The following COL4A5 variants were observed in gnomAD, a reference collection of about 807,000 sequenced individuals.
COL4A5 encodes collagen type IV alpha 5 chain, also known as collagen alpha-5(IV) chain.
COL4A5 carries 26 observed loss-of-function variants against 130.2 expected under a neutral mutation model. That is an observed-to-expected ratio of 0.20 (90% CI 0.15 to 0.28). The LOEUF is 0.28. COL4A5 is among the 10% of genes least tolerant of loss of function. The probability of loss-of-function intolerance (pLI) is 1.00; values close to 1 mark genes in which losing one functional copy is unlikely to be tolerated. For missense variants in COL4A5, 1,131 were observed against 1,344.3 expected (o/e 0.84, Z 2.48); for synonymous variants, 496 against 439.6 (o/e 1.13, Z -1.60).
At chrX:108,440,881 TTTTG>T (rs1207173885) in intron 1 of COL4A5, among the ~76,000 whole-genome samples, 1 of 111,931 alleles carries the variant, frequency 8.9e-6, no homozygotes, top group Non-Finnish European at 1.9e-5. Context: ...TTATGGGTTT[TTTTG>T]TTTGTTTACT....
intron 9 of COL4A5, among the ~76,000 whole-genome samples, chrX:108,575,023 A>G (rs113140889): frequency 9.0e-6 from 1 of 111,256 alleles, no homozygotes; most frequent in Non-Finnish European, 1.9e-5. Context: ...ATCTGAGCTC[A>G]AGTGATCCTC....
Position 108,591,078 on chromosome X carries a change from C to G in COL4A5, c.1186C>G (p.Pro396Ala). The G allele has an allele frequency of 8.3e-7, 1 of 1,208,230 alleles. No homozygotes were observed. Among genetic ancestry groups the G allele is most frequent in the East Asian group, 3.0e-5 (1 of 33,724 alleles). ...GPPGAAVMGP[P>A]GPPGFPGERG... ...CTTAGGGGCTGCAGTTATGGGTCCT[C>G]CTGGCCCTCCTGGATTTCCTGGAGA... The change falls in exon 20 of 53, where the codon CCT (proline) becomes GCT (alanine). Residue 396 changes from proline to alanine, a missense_variant. Coordinates refer to ENST00000328300, the MANE Select transcript of COL4A5 (RefSeq NM_033380.3).
intron 1 of COL4A5, among the ~76,000 whole-genome samples, chrX:108,490,319 A>G (rs1481672511): frequency 2.7e-5 from 3 of 111,753 alleles, no homozygotes; most frequent in African/African-American, 9.7e-5. Context: ...ATTTTGATAG[A>G]TATTGCCAGA....
chrX:108,525,535 A>G (rs147433694), intron 1 of COL4A5, among the ~76,000 whole-genome samples: 44 of 109,802 alleles, frequency 4.0e-4, no homozygotes, highest in African/African-American at 1.3e-3. Context: ...TTTGTTTTCT[A>G]TGTATCTCAT....
intron 6 of COL4A5, 33 bp downstream of exon 6, chrX:108,568,854 A>G: frequency 1.8e-6 from 2 of 1,124,441 alleles, no homozygotes; most frequent in Non-Finnish European, 1.2e-6. Context: ...TGGGTAGTAT[A>G]CTTGACAATA....
At chrX:108,528,645 A>G (rs2065350436) in intron 1 of COL4A5, among the ~76,000 whole-genome samples, 1 of 112,693 alleles carries the variant, frequency 8.9e-6, no homozygotes, top group African/African-American at 3.2e-5. Flanking sequence ...AGTTAAGGAT[A>G]AGAATGAACA....
chrX:108,580,720 A>G lies in COL4A5; in HGVS notation c.873A>G (p.Gln291=). 1 of 1,210,636 alleles carries G rather than the reference A, an allele frequency of 8.3e-7. No homozygotes were observed. The highest frequency in any genetic ancestry group is 1.1e-6 in the Non-Finnish European group (1 of 894,527). Residue 291 remains glutamine (Q), a synonymous_variant, in exon 15 of 53, where the codon CAA becomes CAG. Transcript: ENST00000328300. ...GTGAGAAAGGTGAGAAGGGTGAGCAAGGAGAGCCAGGCAAAAGAGTAAGTG... is the reference window on the plus strand; with the variant it reads ...GTGAGAAAGGTGAGAAGGGTGAGCAGGGAGAGCCAGGCAAAAGAGTAAGTG... ...PGGEKGEKGE[Q]GEPGKRGKPG... is the part of the protein sequence containing the mutation.
intron 37 of COL4A5, among the ~76,000 whole-genome samples, chrX:108,662,549 A>G (rs2067982884): frequency 9.0e-6 from 1 of 111,577 alleles, no homozygotes; most frequent in African/African-American, 3.3e-5. Context: ...AAAAATCACA[A>G]GCATTCCTAT....
At chrX:108,657,109 A>G (rs1432263328) in intron 37 of COL4A5, among the ~76,000 whole-genome samples, 2 of 112,188 alleles carry the variant, frequency 1.8e-5, no homozygotes, top group Middle Eastern at 4.6e-3. Context: ...TCTAATTTTT[A>G]TAACATGTTT....
intron 1 of COL4A5, among the ~76,000 whole-genome samples, chrX:108,529,367 A>G (rs892406501): frequency 8.9e-6 from 1 of 111,776 alleles, no homozygotes; most frequent in Admixed American, 9.5e-5. Flanking sequence ...ATGAAAGAAC[A>G]TGAAAGTATA....
intron 1 of COL4A5, among the ~76,000 whole-genome samples, chrX:108,459,841 A>G (rs62603579): frequency 1.0e-3 from 114 of 112,489 alleles, no homozygotes; most frequent in Admixed American, 2.4e-3. Flanking sequence ...GACTGTGATC[A>G]TTACCATAGT....
Position 108,598,776 on chromosome X carries a change from G to T in COL4A5, c.1854G>T (p.Gly618=). 8.3e-7 allele frequency: 1 copy of T among 1,210,441 alleles called. No homozygotes were observed. Among genetic ancestry groups the T allele is most frequent in the Non-Finnish European group, 1.1e-6 (1 of 894,419 alleles). The change falls in exon 25 of 53, where the codon GGG becomes GGT. Residue 618 remains glycine, a synonymous_variant. Transcript: ENST00000328300. The part of the protein sequence containing the change: ...PGLPGLPGNI[G]PMGPPGFGPP... ...TACCAGGCCTCCCAGGGAATATAGG[G>T]CCTATGGGTCCCCCTGGTTTCGGCC...
intron 29 of COL4A5, among the ~76,000 whole-genome samples, chrX:108,609,982 A>AC (rs2066802053): frequency 9.1e-6 from 1 of 110,252 alleles, no homozygotes; most frequent in African/African-American, 3.3e-5. Flanking sequence ...AAAAAAAAAA[A>AC]ACACATTTCT....
intron 1 of COL4A5, among the ~76,000 whole-genome samples, chrX:108,443,287 T>C (rs1270210287): frequency 8.9e-6 from 1 of 112,368 alleles, no homozygotes; most frequent in Admixed American, 9.5e-5. Flanking sequence ...GAAGGTTTTA[T>C]GATTTTATGT....
rs148833618 is a variant in COL4A5, at chrX:108,483,800, A to C, written c.81+43594A>C. Among the ~76,000 whole-genome samples the C allele has an allele frequency of 1.8e-4, 20 of 112,446 alleles. No homozygotes were observed. The East Asian group carries it at 5.6e-3, about 32-fold the overall frequency. On this transcript the variant is annotated intron_variant, in intron 1 of 52. Transcript: ENST00000328300. ...GAATTTGTTATTGCCTGTCTTCTTG[A>C]TAAAAGCCATTAACTGGGGTAAGGT... is the stretch of plus-strand genomic sequence containing the variant.
intron 50 of COL4A5, chrX:108,694,021 T>TG (rs1447562651): frequency 1.9e-5 from 2 of 103,649 alleles, no homozygotes; most frequent in African/African-American, 7.4e-5. Context: ...TACATTTTCC[T>TG]GAATCCTTTG....
At chrX:108,677,392 G>A in intron 43 of COL4A5, 108 bp from the exon 44 acceptor site, 1 of 771,987 alleles carries the variant, frequency 1.3e-6, no homozygotes, top group Non-Finnish European at 1.9e-6. Context: ...TGTTGTGTGG[G>A]TTTTATTCTG....
At position 108,473,633 on chromosome X, in the gene COL4A5, A is replaced by ATATATATTTTTTT; in HGVS notation, c.81+33428_81+33429insATATATTTTTTTT. On this transcript the variant is annotated intron_variant, in intron 1 of 52. Coordinates refer to ENST00000328300, the MANE Select transcript of COL4A5 (RefSeq NM_033380.3). ...TATATGTATATATATATATATATAT[A>ATATATATTTTTTT]TTTTTTTTTTTTTGAGATGAAGTCT... 4.0e-3 allele frequency among the ~76,000 whole-genome samples: 137 copies of ATATATATTTTTTT among 34,556 alleles called. 2 individuals are homozygous for ATATATATTTTTTT. Among genetic ancestry groups the ATATATATTTTTTT allele is most frequent in the African/African-American group, 0.014 (129 of 9,271 alleles). The allele number at this position is 34,556 out of a possible 115,157, so 30.0% of individuals were successfully genotyped here.
intron 4 of COL4A5, among the ~76,000 whole-genome samples, chrX:108,566,702 C>T (rs1208094313): frequency 9.0e-6 from 1 of 110,581 alleles, no homozygotes; most frequent in Non-Finnish European, 1.9e-5. Flanking sequence ...GCGTCCACCA[C>T]AACGCCCGGC....
Sources: allele counts gnomAD v4.1 joint callset (sites outside exome capture counted in the v4.1 genomes callset), GRCh38; gene constraint gnomAD v4.1.1; transcripts MANE v1.5; gene names NCBI Gene and HGNC (gene_info 2026-07-23, HGNC 2026-07-21).